The following THAP4 variants were observed in gnomAD, a reference collection of about 807,000 sequenced individuals.
The protein encoded by THAP4 is THAP domain containing 4.
A neutral mutation model predicts 48.1 loss-of-function variants in THAP4; 18 were observed. The ratio of observed to expected loss-of-function variants is 0.37; its 90% confidence interval spans 0.26 to 0.56. THAP4 has a LOEUF of 0.56. Among genes scored for constraint, THAP4 ranks in the 20% least tolerant of loss-of-function variants. THAP4 has a pLI of 0.78. For missense variants in THAP4, 656 were observed against 774.9 expected (o/e 0.85, Z 1.82); for synonymous variants, 345 against 324.9 (o/e 1.06, Z -0.66).
rs540314505 is a variant in THAP4, at chr2:241,630,987, G to A, written c.1240+1930C>T. The stretch of plus-strand genomic sequence containing the variant: ...GTTGGAGAACTGCTTGAACCCGGGA[G>A]GCAGAGGTTGCAGTTAGCTGAGATC... On this transcript the variant is annotated intron_variant, in intron 2 of 5. Transcript: ENST00000407315. Among the ~76,000 whole-genome samples, 207 of 152,166 alleles carry A rather than the reference G, an allele frequency of 1.4e-3. 1 individual carries two copies. Among genetic ancestry groups the A allele is most frequent in the South Asian group, 7.9e-3 (38 of 4,812 alleles).
intron 2 of THAP4, among the ~76,000 whole-genome samples, chr2:241,609,231 G>C (rs1209764359): frequency 1.3e-5 from 2 of 152,232 alleles, no homozygotes; most frequent in Non-Finnish European, 2.9e-5. Flanking sequence ...CGGATGTGCT[G>C]ATGGTTTGGA....
intron 2 of THAP4, chr2:241,617,491 G>C: frequency 1.3e-6 from 2 of 1,546,366 alleles, no homozygotes; most frequent in Non-Finnish European, 1.7e-6. Flanking sequence ...GGAAATGTTT[G>C]CACCTGGCTC....
chr2:241,633,268 A>T lies in THAP4; in HGVS notation c.889T>A (p.Ser297Thr). Residue 297 changes from serine (S) to threonine (T), a missense_variant, in exon 2 of 6, where the codon TCC becomes ACC. Transcript: ENST00000407315. The surrounding 1 kb of genome is among the most constrained non-coding windows in gnomAD (Gnocchi z 7.5). ...GCAGGAGGGGCAGAGGGGCTCTGGG[A>T]AGGCTTCTGCGGTGTCGCGGTAAGT... ...SSLTATPQKPSQSPSAPPADV... is the reference protein window; with the variant it reads ...SSLTATPQKPTQSPSAPPADV... The T allele has an allele frequency of 6.2e-7, 1 of 1,611,172 alleles. No homozygotes were observed. The highest frequency in any genetic ancestry group is 8.5e-7 in the Non-Finnish European group (1 of 1,179,630).
At chr2:241,600,689 C>T (rs527895807) in intron 5 of THAP4, among the ~76,000 whole-genome samples, 4 of 146,074 alleles carry the variant, frequency 2.7e-5, no homozygotes, top group Admixed American at 2.1e-4. Flanking sequence ...GATTGCTCCA[C>T]TGCACTCCAG....
intron 5 of THAP4, among the ~76,000 whole-genome samples, chr2:241,599,641 G>T (rs2067088983): frequency 6.6e-6 from 1 of 152,038 alleles, no homozygotes; most frequent in Non-Finnish European, 1.5e-5. Flanking sequence ...ATGACCTAAA[G>T]TCACCGTAAT....
intron 2 of THAP4, among the ~76,000 whole-genome samples, chr2:241,620,275 GT>G (rs2067409870): frequency 1.3e-5 from 1 of 78,870 alleles, no homozygotes; most frequent in Non-Finnish European, 2.6e-5. Flanking sequence ...TGAGGGGTGA[GT>G]GAGTCGTGAG....
intron 1 of THAP4, among the ~76,000 whole-genome samples, chr2:241,635,918 G>C (rs747697208): frequency 6.6e-6 from 1 of 152,180 alleles, no homozygotes; most frequent in African/African-American, 2.4e-5. Flanking sequence ...CTAAGCAACA[G>C]GACCTTCTAA....
At chr2:241,595,064 G>C (rs2067031435) in intron 5 of THAP4, among the ~76,000 whole-genome samples, 1 of 152,092 alleles carries the variant, frequency 6.6e-6, no homozygotes, top group Admixed American at 6.5e-5. Flanking sequence ...CCAGGCTGGA[G>C]TGCAGTGGCG....
intron 5 of THAP4, among the ~76,000 whole-genome samples, chr2:241,587,658 G>A (rs918083553): frequency 2.0e-5 from 3 of 151,998 alleles, no homozygotes; most frequent in African/African-American, 7.2e-5. Flanking sequence ...AGAATTGAAT[G>A]AAAAATCCTG....
intron 3 of THAP4, 139 bp downstream of exon 3, chr2:241,606,172 AGAG>A (rs2067181053): frequency 2.9e-6 from 2 of 681,036 alleles, no homozygotes; most frequent in South Asian, 3.8e-5. Flanking sequence ...CATTCAGGCA[AGAG>A]GACACCTTTC....
At chr2:241,618,245 T>C (rs886143050) in intron 2 of THAP4, among the ~76,000 whole-genome samples, 24 of 152,150 alleles carry the variant, frequency 1.6e-4, no homozygotes, top group African/African-American at 5.6e-4. Flanking sequence ...AGGAGTTGCA[T>C]GCCCAGGGGA....
At chr2:241,620,704 G>A (rs2067419216) in intron 2 of THAP4, among the ~76,000 whole-genome samples, 1 of 151,852 alleles carries the variant, frequency 6.6e-6, no homozygotes, top group African/African-American at 2.4e-5. Context: ...GCAAAGGCCT[G>A]GGAGATGACT....
At chr2:241,605,278 C>A (rs1445291966) in intron 3 of THAP4, among the ~76,000 whole-genome samples, 1 of 152,084 alleles carries the variant, frequency 6.6e-6, no homozygotes, top group Admixed American at 6.6e-5. Flanking sequence ...GTCTGAGAGC[C>A]AGGTGCCCAG....
At position 241,606,297 on chromosome 2, in the gene THAP4, G is replaced by A. The variant is rs1051746368; in HGVS notation, c.1400+17C>T. Reference sequence around the variant, plus strand: ...GCCCATGAGTCAAGCAGGGTGGGGTGGAGGGAGACAACTTACGAGAAGTTC... The same window carrying A: ...GCCCATGAGTCAAGCAGGGTGGGGTAGAGGGAGACAACTTACGAGAAGTTC... On this transcript the variant is annotated intron_variant, in intron 3 of 5. Transcript: ENST00000407315. The A allele has an allele frequency of 6.5e-7, 1 of 1,543,892 alleles. No homozygotes were observed. The highest frequency in any genetic ancestry group is 8.8e-7 in the Non-Finnish European group (1 of 1,141,144).
At chr2:241,614,850 T>C (rs763470304) in intron 2 of THAP4, among the ~76,000 whole-genome samples, 3 of 151,962 alleles carry the variant, frequency 2.0e-5, no homozygotes, top group South Asian at 2.1e-4. Flanking sequence ...GATTGCACCA[T>C]TGCACTCCAG....
chr2:241,620,599 G>A (rs1559231105), intron 2 of THAP4, among the ~76,000 whole-genome samples: 1 of 146,116 alleles, frequency 6.8e-6, no homozygotes, highest in Non-Finnish European at 1.5e-5. Flanking sequence ...GGGTGAGTGA[G>A]TCAGTGAGTG....
intron 2 of THAP4, among the ~76,000 whole-genome samples, chr2:241,614,013 G>T (rs974206700): frequency 6.6e-6 from 1 of 152,028 alleles, no homozygotes; most frequent in African/African-American, 2.4e-5. Flanking sequence ...AATTAGCCAG[G>T]CATGGTGGTG....
Position 241,633,230 on chromosome 2 carries a change from T to C in THAP4, c.927A>G (p.Pro309=), listed in dbSNP as rs2067589875. Residue 309 remains proline (P), a synonymous_variant, in exon 2 of 6, where the codon CCA becomes CCG. Coordinates refer to ENST00000407315, the MANE Select transcript of THAP4 (RefSeq NM_015963.6). The surrounding 1 kb of genome is among the most constrained non-coding windows in gnomAD (Gnocchi z 7.5). ...TCTGCACGGCTTCCGTGGCTGGCTT[T>C]GGGGTGACGTCGGCAGGAGGGGCAG... The part of the protein sequence containing the change: ...SPSAPPADVT[P]KPATEAVQSE... 2 of 1,609,522 alleles carry C rather than the reference T, an allele frequency of 1.2e-6. No homozygotes were observed. The highest frequency in any genetic ancestry group is 1.7e-6 in the Non-Finnish European group (2 of 1,177,818).
In THAP4 at chr2:241,616,926, A is replaced by G. The variant is rs35412013; in HGVS notation, c.1241-10453T>C. 0.33 allele frequency among the ~76,000 whole-genome samples: 50,347 copies of G among 151,978 alleles called. 8,695 individuals carry two copies. The highest frequency in any genetic ancestry group is 0.45 in the South Asian group (2,192 of 4,818). Reference sequence around the variant, plus strand: ...AGCGGCGGCGCCTCCTTCTGTCTACACTGCACCTCACCAGGTTAACCTGCT... The same window carrying G: ...AGCGGCGGCGCCTCCTTCTGTCTACGCTGCACCTCACCAGGTTAACCTGCT... On this transcript the variant is annotated intron_variant, in intron 2 of 5. Transcript: ENST00000407315. This position sits in a 1 kb window ranked among gnomAD's most constrained non-coding sequence, Gnocchi z 4.6.
Sources: gnomAD v4.1 joint callset for allele counts (sites outside exome capture counted in the v4.1 genomes callset) on GRCh38, gnomAD v4.1.1 for gene constraint, Gnocchi (gnomAD v3.1) non-coding constraint, MANE v1.5 for transcripts, NCBI Gene and HGNC (gene_info 2026-07-23, HGNC 2026-07-21) for gene names.